CTIF: variants seen among roughly 807,000 people sequenced by gnomAD.
CTIF encodes the protein CBP80/20-dependent translation initiation factor.
A neutral mutation model predicts 66.0 loss-of-function variants in CTIF; 21 were observed. That is an observed-to-expected ratio of 0.32 (90% confidence interval 0.23 to 0.46). CTIF has a LOEUF of 0.46. Among genes scored for constraint, CTIF ranks in the 20% least tolerant of loss-of-function variants. The pLI is 1.00. For synonymous variants in CTIF, 345 were observed against 326.4 expected, an observed-to-expected ratio of 1.06 and a Z score of -0.62; for missense variants, 739 against 812.7, an observed-to-expected ratio of 0.91 and a Z score of 1.10.
At chr18:48,634,545 G>A (rs1051850619) in intron 2 of CTIF, among the ~76,000 whole-genome samples, 4 of 152,186 alleles carry the variant, frequency 2.6e-5, no homozygotes, top group Non-Finnish European at 1.5e-5. Flanking sequence ...CAGGGTTCCC[G>A]GTCATGCATA....
chr18:48,704,699 A>G (rs1233235226), intron 6 of CTIF, among the ~76,000 whole-genome samples: 1 of 152,212 alleles, frequency 6.6e-6, no homozygotes, highest in East Asian at 1.9e-4. Context: ...GACATCAGTC[A>G]TATCGGACCG....
Position 48,565,943 on chromosome 18 carries a change from AGAGT to A in CTIF, c.-29+26636_-29+26639del, listed in dbSNP as rs533345837. On this transcript the variant is annotated intron_variant, in intron 1 of 11. Transcript: ENST00000256413. The stretch of plus-strand genomic sequence containing the variant: ...CTGAACTTGTGCCCTTTCCTTTGCC[AGAGT>A]GAGTTGCCCAAGAGGCTGAGGGTGG... 3.0e-3 allele frequency: 458 copies of A among 152,496 alleles called. 1 individual carries two copies. Among genetic ancestry groups the A allele is most frequent in the Non-Finnish European group, 4.5e-3 (307 of 68,172 alleles). 9.4% of individuals were successfully genotyped at this position (152,496 alleles called of 1,614,324 possible). A position where few individuals can be genotyped will look rare whatever the true frequency, so the allele number is the denominator to read the frequency against.
Position 48,850,708 on chromosome 18 carries a change from G to A in CTIF, c.1528-6880G>A, listed in dbSNP as rs2069180644. On this transcript the variant is annotated intron_variant, in intron 10 of 11. Coordinates refer to ENST00000256413, the MANE Select transcript of CTIF (RefSeq NM_014772.3). ...AGGAAGCCTGTGGAGTTGTGCCAAG[G>A]GCCCCCTGGAAGAGGCAGGCCAGAC... Among the ~76,000 whole-genome samples the A allele has an allele frequency of 2.0e-5, 3 of 152,220 alleles. No homozygotes were observed. The South Asian group carries it at 6.2e-4, about 31-fold the overall frequency.
intron 9 of CTIF, among the ~76,000 whole-genome samples, chr18:48,783,328 A>G (rs1911416662): frequency 6.6e-6 from 1 of 152,178 alleles, no homozygotes; most frequent in South Asian, 2.1e-4. Flanking sequence ...AGGACTGGCT[A>G]CTACTCTGAG....
chr18:48,691,721 C>G (rs1256384160), intron 6 of CTIF, among the ~76,000 whole-genome samples: 1 of 152,142 alleles, frequency 6.6e-6, no homozygotes, highest in African/African-American at 2.4e-5. Flanking sequence ...CTCCCCTTTC[C>G]CTCTCCCTCC....
At chr18:48,759,270 CA>C (rs1289864323) in intron 8 of CTIF, among the ~76,000 whole-genome samples, 3 of 152,210 alleles carry the variant, frequency 2.0e-5, no homozygotes, top group African/African-American at 7.2e-5. Flanking sequence ...GCCATTCCCA[CA>C]CAGCAGCAGG....
chr18:48,619,577 C>A lies in CTIF; in HGVS notation c.12C>A (p.Ser4=). 1.9e-6 allele frequency: 3 copies of A among 1,572,664 alleles called. No individual in the cohort carries two copies. The highest frequency in any genetic ancestry group is 2.6e-6 in the Non-Finnish European group (3 of 1,159,548). MEN[S]SAASASSEAG... is the part of the protein sequence containing the mutation. The stretch of plus-strand genomic sequence containing the variant: ...CCTGAGCTGGAGGGATGGAAAACTC[C>A]TCTGCAGCATCAGCCTCCTCGGAGG... Residue 4 remains serine, a synonymous_variant, in exon 2 of 12, where the codon TCC becomes TCA. Transcript: ENST00000256413.
At chr18:48,549,273 G>C (rs1202505998) in intron 1 of CTIF, among the ~76,000 whole-genome samples, 1 of 152,148 alleles carries the variant, frequency 6.6e-6, no homozygotes, top group East Asian at 1.9e-4. Context: ...AATTCAGATG[G>C]GGCTCAGTTT....
rs186500969 is a variant in CTIF at position 48,781,538 on chromosome 18, C to T, written c.1371+19849C>T. On this transcript the variant is annotated intron_variant, in intron 9 of 11. Transcript: ENST00000256413. ...CTGTGTATCTGCATGCGTCTGCCGG[C>T]GAGGGTGGCTGGAGCCGGGCGGTCT... Among the ~76,000 whole-genome samples the T allele has an allele frequency of 6.2e-3, 949 of 152,170 alleles. 12 individuals carry two copies. Among genetic ancestry groups the T allele is most frequent in the Middle Eastern group, 0.014 (4 of 294 alleles).
At position 48,812,680 on chromosome 18, in the gene CTIF, A is replaced by G. The variant is rs550127815; in HGVS notation, c.1372-4541A>G. ...GAGGTGGAAGGATCACTTGAGCCTA[A>G]GAGGTCGAGGCTGCAGTGAGCCTTA... On this transcript the variant is annotated intron_variant, in intron 9 of 11. Coordinates refer to ENST00000256413, the MANE Select transcript of CTIF (RefSeq NM_014772.3). Among the ~76,000 whole-genome samples, 139 of 151,842 alleles carry G rather than the reference A, an allele frequency of 9.2e-4. 1 individual carries two copies. The highest frequency in any genetic ancestry group is 3.2e-3 in the African/African-American group (133 of 41,370).
At chr18:48,624,639 T>TA (rs1453957743) in intron 2 of CTIF, among the ~76,000 whole-genome samples, 1 of 152,152 alleles carries the variant, frequency 6.6e-6, no homozygotes, top group Non-Finnish European at 1.5e-5. Flanking sequence ...CTGTGAGAAA[T>TA]ACTGATGTAC....
chr18:48,572,479 G>C (rs1209305951), intron 1 of CTIF, among the ~76,000 whole-genome samples: 1 of 152,190 alleles, frequency 6.6e-6, no homozygotes, highest in African/African-American at 2.4e-5. Flanking sequence ...TTTTATAACT[G>C]AGGAAACTCC....
intron 7 of CTIF, among the ~76,000 whole-genome samples, chr18:48,754,501 A>G (rs1908150960): frequency 6.6e-6 from 1 of 152,216 alleles, no homozygotes. Context: ...GGGAGGACAG[A>G]GGGACAGTCT....
chr18:48,643,483 G>A (rs761071656), intron 3 of CTIF, among the ~76,000 whole-genome samples: 3 of 152,158 alleles, frequency 2.0e-5, no homozygotes, highest in African/African-American at 7.2e-5. Context: ...GTTGGGGCAG[G>A]ACCCTCTCTG....
intron 1 of CTIF, among the ~76,000 whole-genome samples, chr18:48,611,050 G>A (rs1392995543): frequency 6.6e-6 from 1 of 152,200 alleles, no homozygotes; most frequent in Non-Finnish European, 1.5e-5. Context: ...GCTGTTGAGG[G>A]ATGTAAAGGC....
chr18:48,626,266 G>A (rs1264908530), intron 2 of CTIF, among the ~76,000 whole-genome samples: 1 of 152,100 alleles, frequency 6.6e-6, no homozygotes, highest in Non-Finnish European at 1.5e-5. Context: ...CTCCTAAAGT[G>A]CTGGGATTAC....
chr18:48,770,142 G>T (rs1270113716), intron 9 of CTIF, among the ~76,000 whole-genome samples: 4 of 152,216 alleles, frequency 2.6e-5, no homozygotes, highest in African/African-American at 4.8e-5. Flanking sequence ...AATGACCACT[G>T]ATCCTCAGCC....
chr18:48,583,966 C>T (rs1228213313), intron 1 of CTIF, among the ~76,000 whole-genome samples: 1 of 152,196 alleles, frequency 6.6e-6, no homozygotes, highest in African/African-American at 2.4e-5. Flanking sequence ...TTTCATGATT[C>T]TTGTCTTTTA....
At chr18:48,798,629 C>G (rs2067982540) in intron 9 of CTIF, among the ~76,000 whole-genome samples, 1 of 152,212 alleles carries the variant, frequency 6.6e-6, no homozygotes, top group Non-Finnish European at 1.5e-5. Flanking sequence ...GGTGCACCCC[C>G]ACCTGCAGGC....
Sources: gnomAD v4.1 joint callset for allele counts (sites outside exome capture counted in the v4.1 genomes callset) on GRCh38, gnomAD v4.1.1 for gene constraint, MANE v1.5 for transcripts, NCBI Gene and HGNC (gene_info 2026-07-23, HGNC 2026-07-21) for gene names.